Variants in NUBPL observed in about 807,000 individuals in gnomAD.
NUBPL encodes the protein iron-sulfur cluster transfer protein NUBPL.
A neutral mutation model predicts 45.7 loss-of-function variants in NUBPL; 31 were observed. The ratio of observed to expected loss-of-function variants is 0.68; its 90% CI spans 0.51 to 0.92. The LOEUF (loss-of-function observed/expected upper bound fraction) is 0.92. NUBPL is among the 40% of genes least tolerant of loss of function. The pLI, the probability that NUBPL is intolerant of heterozygous loss-of-function variation, is 0.00. For missense variants in NUBPL, 401 were observed against 398.7 expected (o/e 1.01, Z -0.05); for synonymous variants, 144 against 140.9 (o/e 1.02, Z -0.15).
chr14:31,692,220 C>G (rs576731627), intron 6 of NUBPL, among the ~76,000 whole-genome samples: 1 of 152,242 alleles, frequency 6.6e-6, no homozygotes, highest in South Asian at 2.1e-4. Context: ...ACATTTCACT[C>G]AATGAATAAC....
chr14:31,592,893 T>C (rs980104705), intron 3 of NUBPL, among the ~76,000 whole-genome samples: 15 of 152,290 alleles, frequency 9.8e-5, no homozygotes, highest in African/African-American at 3.4e-4. Context: ...GGGTATATAG[T>C]AGTGAACAAA....
chr14:31,768,766 A>G (rs1376504150), intron 6 of NUBPL, among the ~76,000 whole-genome samples: 1 of 152,218 alleles, frequency 6.6e-6, no homozygotes, highest in African/African-American at 2.4e-5. Context: ...GAACTTACCC[A>G]AAACACCCAT....
intron 3 of NUBPL, among the ~76,000 whole-genome samples, chr14:31,566,732 T>C (rs954165385): frequency 2.0e-5 from 3 of 152,110 alleles, no homozygotes; most frequent in Non-Finnish European, 2.9e-5. Flanking sequence ...CTGGATTATC[T>C]GGCTAGGTCC....
intron 10 of NUBPL, among the ~76,000 whole-genome samples, 176 bp from the exon 11 acceptor site, chr14:31,858,942 C>A (rs748041433): frequency 6.6e-6 from 1 of 152,174 alleles, no homozygotes; most frequent in African/African-American, 2.4e-5. Flanking sequence ...ATCTAAAATT[C>A]TTTCTTCCTT....
At position 31,617,159 on chromosome 14, in the gene NUBPL, T is replaced by G. The variant is rs144559545; in HGVS notation, c.382+17780T>G. ...ACTTTGCTGAAGTTGCTTACCAGCT[T>G]AAGGAGATTTTGGGCTGAGATGATG... On this transcript the variant is annotated intron_variant, in intron 4 of 10. Coordinates refer to ENST00000281081, the MANE Select transcript of NUBPL (RefSeq NM_025152.3). 1.4e-3 allele frequency among the ~76,000 whole-genome samples: 214 copies of G among 152,308 alleles called. 1 individual carries two copies. The East Asian group carries it at 0.027, about 19-fold the overall frequency.
chr14:31,734,768 T>C (rs2038129481), intron 6 of NUBPL, among the ~76,000 whole-genome samples: 1 of 152,092 alleles, frequency 6.6e-6, no homozygotes, highest in South Asian at 2.1e-4. Flanking sequence ...GTAGCAAGAA[T>C]ACTATATACC....
chr14:31,597,254 T>C (rs970208244), intron 3 of NUBPL, among the ~76,000 whole-genome samples: 2 of 152,238 alleles, frequency 1.3e-5, no homozygotes, highest in Admixed American at 6.5e-5. Flanking sequence ...ATTTCTATTC[T>C]CTAGGAAGCA....
intron 6 of NUBPL, among the ~76,000 whole-genome samples, chr14:31,730,110 A>C (rs537623457): frequency 3.3e-5 from 5 of 152,328 alleles, no homozygotes; most frequent in Non-Finnish European, 5.9e-5. Flanking sequence ...ACCAATATTC[A>C]TGCTAAGGAC....
At chr14:31,624,398 G>T (rs1482298767) in intron 4 of NUBPL, among the ~76,000 whole-genome samples, 2 of 152,138 alleles carry the variant, frequency 1.3e-5, no homozygotes, top group Non-Finnish European at 2.9e-5. Context: ...CAGATGGTTG[G>T]ATATGTGTTT....
chr14:31,572,050 G>A (rs1441512962), intron 3 of NUBPL, among the ~76,000 whole-genome samples: 2 of 131,916 alleles, frequency 1.5e-5, no homozygotes, highest in Admixed American at 8.0e-5. Flanking sequence ...CACCCAGAAA[G>A]TAAATGGCAG....
chr14:31,750,788 G>A lies in NUBPL; in HGVS notation c.514-36992G>A, dbSNP rs114442202. 6.5e-3 allele frequency among the ~76,000 whole-genome samples: 994 copies of A among 152,100 alleles called. 12 individuals are homozygous for A. Among genetic ancestry groups the A allele is most frequent in the African/African-American group, 0.022 (931 of 41,484 alleles). Reference sequence around the variant, plus strand: ...TATATAGTAATGTGGTCTCTGTGTGGTATTTTTGGCTGTAATCAGCATGTA... The same window carrying A: ...TATATAGTAATGTGGTCTCTGTGTGATATTTTTGGCTGTAATCAGCATGTA... On this transcript the variant is annotated intron_variant, in intron 6 of 10. Coordinates refer to ENST00000281081, the MANE Select transcript of NUBPL (RefSeq NM_025152.3).
At chr14:31,710,644 G>GTA (rs1566516133) in intron 6 of NUBPL, among the ~76,000 whole-genome samples, 35 of 152,224 alleles carry the variant, frequency 2.3e-4, no homozygotes, top group African/African-American at 8.2e-4. Context: ...AACCTTACCC[G>GTA]TGTCCTATAA....
chr14:31,762,119 T>G (rs772984763), intron 6 of NUBPL, among the ~76,000 whole-genome samples: 4 of 152,202 alleles, frequency 2.6e-5, no homozygotes, highest in Non-Finnish European at 4.4e-5. Context: ...AATTTGCAGG[T>G]TCTTCAGAGA....
intron 4 of NUBPL, among the ~76,000 whole-genome samples, chr14:31,657,701 T>C (rs1374566325): frequency 6.6e-6 from 1 of 152,224 alleles, no homozygotes; most frequent in Non-Finnish European, 1.5e-5. Flanking sequence ...TAGATATCTT[T>C]TTCTTATCTC....
chr14:31,744,840 T>C (rs1276792015), intron 6 of NUBPL, among the ~76,000 whole-genome samples: 1 of 151,866 alleles, frequency 6.6e-6, no homozygotes, highest in East Asian at 1.9e-4. Flanking sequence ...CAGGCTGGTC[T>C]TGAACTCCCG....
At chr14:31,818,750 G>T (rs189232267) in intron 7 of NUBPL, among the ~76,000 whole-genome samples, 1 of 152,094 alleles carries the variant, frequency 6.6e-6, no homozygotes, top group East Asian at 1.9e-4. Flanking sequence ...GGGTTTCACC[G>T]TGTTAGCCAG....
At chr14:31,821,316 A>G (rs945409804) in intron 7 of NUBPL, among the ~76,000 whole-genome samples, 1 of 152,216 alleles carries the variant, frequency 6.6e-6, no homozygotes, top group East Asian at 1.9e-4. Context: ...ACCAGAATAT[A>G]TAAGGAGCTG....
chr14:31,646,755 T>C (rs970682255), intron 4 of NUBPL, among the ~76,000 whole-genome samples: 4 of 152,126 alleles, frequency 2.6e-5, no homozygotes, highest in African/African-American at 9.7e-5. Flanking sequence ...TATATCTTTG[T>C]AGCATTTGGA....
intron 8 of NUBPL, among the ~76,000 whole-genome samples, chr14:31,837,134 C>T (rs2040293919): frequency 6.6e-6 from 1 of 152,130 alleles, no homozygotes; most frequent in Non-Finnish European, 1.5e-5. Flanking sequence ...CCAGCCTTGG[C>T]AATACACTAA....
Sources: allele counts gnomAD v4.1 joint callset (sites outside exome capture counted in the v4.1 genomes callset), GRCh38; gene constraint gnomAD v4.1.1; transcripts MANE v1.5; gene names NCBI Gene and HGNC (gene_info 2026-07-23, HGNC 2026-07-21).